The following OPCML variants were observed in gnomAD, a reference collection of about 807,000 sequenced individuals.
OPCML encodes the protein opioid binding protein/cell adhesion molecule like, also known as opioid-binding protein/cell adhesion molecule.
Under a neutral mutation model 37.8 loss-of-function variants are expected in OPCML, and 13 were observed. The observed-to-expected ratio is 0.34, with a 90% CI of 0.22 to 0.55. The LOEUF (loss-of-function observed/expected upper bound fraction) is 0.55. Ranked by LOEUF, OPCML falls within the 20% of genes least tolerant of loss-of-function variation. The pLI, the probability that OPCML is intolerant of heterozygous loss-of-function variation, is 0.91. For missense variants in OPCML, 341 were observed against 435.6 expected, an observed-to-expected ratio of 0.78 and a Z score of 1.93; for synonymous variants, 176 against 168.8, an observed-to-expected ratio of 1.04 and a Z score of -0.33.
intron 1 of OPCML, among the ~76,000 whole-genome samples, chr11:133,151,197 C>T (rs542601797): frequency 3.9e-5 from 6 of 152,056 alleles, no homozygotes; most frequent in South Asian, 2.1e-4. Context: ...CACTTGAACC[C>T]GGGAGGCGGA....
At position 132,441,160 on chromosome 11, in the gene OPCML, TTTTTG is replaced by T. The variant is rs1446390317; in HGVS notation, c.506-3806_506-3802del. Among the ~76,000 whole-genome samples, 14 of 101,194 alleles carry T rather than the reference TTTTTG, an allele frequency of 1.4e-4. 1 individual carries two copies. The highest frequency in any genetic ancestry group is 7.9e-4 in the African/African-American group (11 of 13,986). 66.4% of individuals were successfully genotyped at this position (101,194 alleles called of 152,430 possible). On this transcript the variant is annotated intron_variant, in intron 4 of 7. Transcript: ENST00000524381. ...TCTGAAGATGTGTTCACCAAGGACT[TTTTTG>T]TTTTTTTTTTTTTTTTTTTTGAGAC...
At chr11:132,923,208 G>A (rs1287965064) in intron 2 of OPCML, among the ~76,000 whole-genome samples, 1 of 152,096 alleles carries the variant, frequency 6.6e-6, no homozygotes, top group East Asian at 1.9e-4. Context: ...TGCATGCTCT[G>A]GTAAACAGAA....
At chr11:132,689,470 A>G (rs1943314350) in intron 2 of OPCML, among the ~76,000 whole-genome samples, 1 of 152,248 alleles carries the variant, frequency 6.6e-6, no homozygotes, top group Non-Finnish European at 1.5e-5. Flanking sequence ...ATTCCCAGCT[A>G]AGGGTATTAG....
chr11:132,443,921 C>T (rs1405147867), intron 4 of OPCML, among the ~76,000 whole-genome samples: 3 of 152,214 alleles, frequency 2.0e-5, no homozygotes, highest in Non-Finnish European at 2.9e-5. Context: ...TCAAAACATC[C>T]GCTGGGCTAC....
intron 1 of OPCML, among the ~76,000 whole-genome samples, chr11:133,316,952 C>A (rs142560607): frequency 6.6e-6 from 1 of 152,222 alleles, no homozygotes; most frequent in Non-Finnish European, 1.5e-5. Flanking sequence ...AATCCCAGCA[C>A]TTTGGGAGGC....
At chr11:133,452,328 A>G (rs868846955) in intron 1 of OPCML, among the ~76,000 whole-genome samples, 15 of 151,738 alleles carry the variant, frequency 9.9e-5, no homozygotes, top group African/African-American at 3.4e-4. Flanking sequence ...GCATTTTAAT[A>G]ATTCATTTTG....
At chr11:132,506,736 AT>A (rs1206862699) in intron 4 of OPCML, among the ~76,000 whole-genome samples, 1 of 152,148 alleles carries the variant, frequency 6.6e-6, no homozygotes, top group African/African-American at 2.4e-5. Flanking sequence ...AAAATCAAAT[AT>A]TTATTTCAAA....
intron 1 of OPCML, among the ~76,000 whole-genome samples, chr11:132,986,101 G>A (rs1946678250): frequency 6.6e-6 from 1 of 152,102 alleles, no homozygotes; most frequent in African/African-American, 2.4e-5. Flanking sequence ...TCAAGCATCA[G>A]CTCTGAAAAC....
chr11:133,313,550 G>A (rs1422199388), intron 1 of OPCML, among the ~76,000 whole-genome samples: 1 of 152,154 alleles, frequency 6.6e-6, no homozygotes, highest in Non-Finnish European at 1.5e-5. Context: ...ATTCACAAGG[G>A]TTCTTAAGAG....
rs1356903731 is a variant in OPCML, at chr11:132,622,369, C to T, written c.379+34718G>A. Among the ~76,000 whole-genome samples the T allele has an allele frequency of 4.6e-5, 7 of 151,772 alleles. No individual in the cohort carries two copies. In the East Asian group the frequency reaches 5.8e-4, roughly 13 times the overall value. On this transcript the variant is annotated intron_variant, in intron 3 of 7. Transcript: ENST00000524381. The stretch of plus-strand genomic sequence containing the variant: ...CAAACATGAAAAGAGGAGAGAGAAG[C>T]GTGGAAACCTGTATAAAGGCCACTG...
chr11:133,004,100 T>A (rs1947061847), intron 1 of OPCML: 2 of 985,320 alleles, frequency 2.0e-6, no homozygotes, highest in African/African-American at 3.5e-5. Flanking sequence ...GTGTTCTAGC[T>A]TGGAAGGAAG....
chr11:133,344,232 G>A (rs1282345120), intron 1 of OPCML, among the ~76,000 whole-genome samples: 3 of 152,158 alleles, frequency 2.0e-5, no homozygotes, highest in Non-Finnish European at 4.4e-5. Context: ...GCCGCCCCAG[G>A]TGGTATTTCT....
chr11:132,819,894 T>A lies in OPCML; in HGVS notation c.146+123032A>T, dbSNP rs537860392. ...CTGTGCTGTTTGTGATGCTCTAGAG[T>A]CAGAATGCGGCAGGGCTTCCTTTAA... On this transcript the variant is annotated intron_variant, in intron 2 of 7. Coordinates refer to ENST00000524381, the MANE Select transcript of OPCML (RefSeq NM_001012393.5). Among the ~76,000 whole-genome samples the A allele has an allele frequency of 2.0e-5, 3 of 152,194 alleles. No homozygotes were observed. In the East Asian group the frequency reaches 5.8e-4, roughly 29 times the overall value.
chr11:132,479,650 G>T (rs2096171397), intron 4 of OPCML, among the ~76,000 whole-genome samples: 1 of 152,244 alleles, frequency 6.6e-6, no homozygotes, highest in East Asian at 1.9e-4. Flanking sequence ...AGAGAGCAGT[G>T]GTTCTCCCAG....
intron 7 of OPCML, among the ~76,000 whole-genome samples, chr11:132,432,740 T>C (rs1163845506): frequency 6.6e-6 from 1 of 152,198 alleles, no homozygotes; most frequent in Non-Finnish European, 1.5e-5. Flanking sequence ...CCTATGTTCC[T>C]GGAGCTTACA....
intron 1 of OPCML, among the ~76,000 whole-genome samples, chr11:133,184,405 G>A (rs1163362442): frequency 1.3e-5 from 2 of 152,170 alleles, no homozygotes; most frequent in Admixed American, 6.5e-5. Flanking sequence ...TGAAGGATGG[G>A]AAGGTTATGA....
Position 132,418,582 on chromosome 11 carries a change from G to A in OPCML, c.*1611C>T, listed in dbSNP as rs2095946624. Reference sequence around the variant, plus strand: ...TAAGTCAGTTGCTCAAGTGCCCTCAGCTTAGAAGAGCTTCCTGAAACAAAT... The same window carrying A: ...TAAGTCAGTTGCTCAAGTGCCCTCAACTTAGAAGAGCTTCCTGAAACAAAT... On this transcript the variant is annotated 3_prime_UTR_variant, in exon 8 of 8. Coordinates refer to ENST00000524381, the MANE Select transcript of OPCML (RefSeq NM_001012393.5). 1 of 152,628 alleles carries A rather than the reference G, an allele frequency of 6.6e-6. No homozygotes were observed. The highest frequency in any genetic ancestry group is 1.5e-5 in the Non-Finnish European group (1 of 68,058). 9.5% of individuals were successfully genotyped at this position (152,628 alleles called of 1,614,324 possible). A position where few individuals can be genotyped will look rare whatever the true frequency, so the allele number is the denominator to read the frequency against.
At chr11:133,226,030 C>A (rs989987556) in intron 1 of OPCML, among the ~76,000 whole-genome samples, 3 of 152,244 alleles carry the variant, frequency 2.0e-5, no homozygotes, top group African/African-American at 2.4e-5. Context: ...AAGTTACCTG[C>A]ACCAGTTGGC....
At chr11:132,542,468 A>C (rs1342723724) in intron 3 of OPCML, among the ~76,000 whole-genome samples, 1 of 152,146 alleles carries the variant, frequency 6.6e-6, no homozygotes, top group Admixed American at 6.5e-5. Context: ...CATAGCACCC[A>C]GTCTCTATCC....
Sources: allele counts gnomAD v4.1 joint callset (sites outside exome capture counted in the v4.1 genomes callset), GRCh38; gene constraint gnomAD v4.1.1; transcripts MANE v1.5; gene names NCBI Gene and HGNC (gene_info 2026-07-23, HGNC 2026-07-21).